The following WWOX variants were observed in gnomAD, a reference collection of about 807,000 sequenced individuals.
WWOX encodes the protein WW domain containing oxidoreductase, also known as WW domain-containing oxidoreductase.
WWOX carries 69 observed loss-of-function variants against 46.2 expected under a neutral mutation model. The observed-to-expected ratio is 1.49, with a 90% CI of 1.23 to 1.82. The LOEUF is 1.82. WWOX is among the 40% of genes most tolerant of loss of function. The probability of loss-of-function intolerance (pLI) is 0.00; values close to 1 mark genes in which losing one functional copy is unlikely to be tolerated. For missense variants in WWOX, 919 were observed against 542.6 expected (o/e 1.69, Z -6.89); for synonymous variants, 359 against 202.6 (o/e 1.77, Z -6.56).
intron 8 of WWOX, among the ~76,000 whole-genome samples, chr16:78,812,584 G>C (rs181846754): frequency 1.3e-5 from 2 of 151,962 alleles, no homozygotes; most frequent in Non-Finnish European, 2.9e-5. Context: ...AAAATTGCCA[G>C]GCCTAGGCGC....
chr16:78,730,686 C>A (rs1053788328), intron 8 of WWOX, among the ~76,000 whole-genome samples: 7 of 147,824 alleles, frequency 4.7e-5, no homozygotes, highest in African/African-American at 1.7e-4. Flanking sequence ...TCTTGAACTC[C>A]TGGGCTCAAG....
Position 79,057,712 on chromosome 16 carries a change from C to G in WWOX, c.1057-153896C>G, listed in dbSNP as rs181326022. On this transcript the variant is annotated intron_variant, in intron 8 of 8. Transcript: ENST00000566780. ...TACAGGCTAGCACATGGTTTGCATT[C>G]TGAGGGAGCTCAGAATAGGCAAGGT... Among the ~76,000 whole-genome samples the G allele has an allele frequency of 2.8e-3, 425 of 152,218 alleles. 3 individuals are homozygous for G. Among genetic ancestry groups the G allele is most frequent in the African/African-American group, 0.01 (418 of 41,542 alleles).
chr16:78,908,527 G>A lies in WWOX; in HGVS notation c.1057-303081G>A, dbSNP rs574086499. Among the ~76,000 whole-genome samples, 9 of 121,416 alleles carry A rather than the reference G, an allele frequency of 7.4e-5. No individual in the cohort carries two copies. In the South Asian group the frequency reaches 2.0e-3, roughly 27 times the overall value. The allele number at this position is 121,416 out of a possible 152,430, so 79.7% of individuals were successfully genotyped here. Reference sequence around the variant, plus strand: ...TGCACTCCAGCCTGGGCGACAGACTGAAACTCTGTCTCGGAAAAAAAAAAA... The same window carrying A: ...TGCACTCCAGCCTGGGCGACAGACTAAAACTCTGTCTCGGAAAAAAAAAAA... On this transcript the variant is annotated intron_variant, in intron 8 of 8. Transcript: ENST00000566780.
chr16:78,391,607 G>A (rs1185695371), intron 6 of WWOX, among the ~76,000 whole-genome samples: 1 of 152,200 alleles, frequency 6.6e-6, no homozygotes, highest in African/African-American at 2.4e-5. Flanking sequence ...CAGCACCTGG[G>A]GAGGCCGCAG....
At chr16:78,462,661 G>C (rs1488291911) in intron 8 of WWOX, among the ~76,000 whole-genome samples, 1 of 152,172 alleles carries the variant, frequency 6.6e-6, no homozygotes, top group African/African-American at 2.4e-5. Context: ...CTGCCAAGTA[G>C]GAGTAATAGA....
At chr16:79,062,836 T>A (rs1183863061) in intron 8 of WWOX, among the ~76,000 whole-genome samples, 1 of 152,148 alleles carries the variant, frequency 6.6e-6, no homozygotes, top group African/African-American at 2.4e-5. Flanking sequence ...ATTTCCATTA[T>A]AAATGTCGAA....
At chr16:78,626,715 C>G (rs540943754) in intron 8 of WWOX, among the ~76,000 whole-genome samples, 7 of 152,120 alleles carry the variant, frequency 4.6e-5, no homozygotes, top group Non-Finnish European at 8.8e-5. Flanking sequence ...ATTTAATGTT[C>G]TCACTCTTCG....
chr16:78,466,260 T>C (rs932594604), intron 8 of WWOX, among the ~76,000 whole-genome samples: 1 of 152,080 alleles, frequency 6.6e-6, no homozygotes, highest in Admixed American at 6.5e-5. Flanking sequence ...CTCGATCTCC[T>C]GACCTTTTGA....
At position 78,565,531 on chromosome 16, in the gene WWOX, A is replaced by T. The variant is rs564361592; in HGVS notation, c.1056+132779A>T. ...CATCTGGCCCTCTGGCCACTCTCTTATAAGGACCCTTTTGATTTCATTGGG... is the reference window on the plus strand; with the variant it reads ...CATCTGGCCCTCTGGCCACTCTCTTTTAAGGACCCTTTTGATTTCATTGGG... On this transcript the variant is annotated intron_variant, in intron 8 of 8. Transcript: ENST00000566780. Among the ~76,000 whole-genome samples the T allele has an allele frequency of 1.1e-4, 16 of 152,206 alleles. No homozygotes were observed. The South Asian group carries it at 3.3e-3, about 32-fold the overall frequency.
chr16:78,748,343 T>G (rs956947195), intron 8 of WWOX, among the ~76,000 whole-genome samples: 4 of 152,252 alleles, frequency 2.6e-5, no homozygotes, highest in African/African-American at 9.6e-5. Flanking sequence ...TACCCAGTGG[T>G]GGAAGTGCTT....
chr16:78,429,010 T>A (rs2083153883), intron 7 of WWOX, among the ~76,000 whole-genome samples: 1 of 152,228 alleles, frequency 6.6e-6, no homozygotes, highest in South Asian at 2.1e-4. Context: ...TCCTTTGTTT[T>A]TTTTATTAAG....
intron 8 of WWOX, among the ~76,000 whole-genome samples, chr16:78,707,033 T>C (rs2048341778): frequency 6.6e-6 from 1 of 152,202 alleles, no homozygotes; most frequent in African/African-American, 2.4e-5. Flanking sequence ...ATGTAAACCA[T>C]GGAATATTTT....
chr16:79,154,154 A>G (rs142120313), intron 8 of WWOX, among the ~76,000 whole-genome samples: 58 of 152,340 alleles, frequency 3.8e-4, no homozygotes, highest in African/African-American at 1.3e-3. Flanking sequence ...AATGGTATGA[A>G]AAATAGGCAA....
At chr16:78,887,722 A>G (rs1053017376) in intron 8 of WWOX, among the ~76,000 whole-genome samples, 4 of 152,230 alleles carry the variant, frequency 2.6e-5, no homozygotes, top group Admixed American at 6.5e-5. Context: ...CAGATGTGAC[A>G]AAACAAAAGA....
intron 6 of WWOX, among the ~76,000 whole-genome samples, chr16:78,388,652 A>T (rs1487566622): frequency 3.4e-4 from 1 of 2,930 alleles, no homozygotes; most frequent in South Asian, 7.1e-3. Flanking sequence ...TCTCAAAAAA[A>T]AAAAAAAAAA....
intron 8 of WWOX, among the ~76,000 whole-genome samples, chr16:78,922,489 G>A (rs527335997): frequency 2.4e-4 from 36 of 150,464 alleles, no homozygotes; most frequent in African/African-American, 5.1e-4. Context: ...AGCGATTCTC[G>A]TGCCTCAGCC....
intron 8 of WWOX, among the ~76,000 whole-genome samples, chr16:78,460,538 C>G (rs188812397): frequency 6.6e-6 from 1 of 152,148 alleles, no homozygotes; most frequent in Non-Finnish European, 1.5e-5. Flanking sequence ...GTGACTGATA[C>G]CAACACCATA....
At chr16:78,672,636 C>T (rs1484732505) in intron 8 of WWOX, among the ~76,000 whole-genome samples, 2 of 152,146 alleles carry the variant, frequency 1.3e-5, no homozygotes, top group Non-Finnish European at 2.9e-5. Flanking sequence ...TTACCATTTG[C>T]AAGGAGAATA....
intron 8 of WWOX, among the ~76,000 whole-genome samples, chr16:78,543,815 C>T (rs926853832): frequency 3.3e-5 from 5 of 152,144 alleles, no homozygotes; most frequent in Non-Finnish European, 5.9e-5. Context: ...AATTGCATCT[C>T]CCGCAGGGCC....
Sources: allele counts gnomAD v4.1 joint callset (sites outside exome capture counted in the v4.1 genomes callset), GRCh38; gene constraint gnomAD v4.1.1; transcripts MANE v1.5; gene names NCBI Gene and HGNC (gene_info 2026-07-23, HGNC 2026-07-21).